The following ARHGEF12 variants were observed in gnomAD, a reference collection of about 807,000 sequenced individuals.
ARHGEF12 encodes Rho guanine nucleotide exchange factor 12.
A neutral mutation model predicts 211.2 loss-of-function variants in ARHGEF12; 66 were observed. The ratio of observed to expected loss-of-function variants is 0.31; its 90% confidence interval spans 0.26 to 0.38. The LOEUF is 0.38. ARHGEF12 is among the 10% of genes least tolerant of loss of function. The pLI is 1.00. For missense variants in ARHGEF12, 1,429 were observed against 1,869.5 expected, an observed-to-expected ratio of 0.76 and a Z score of 4.34; for synonymous variants, 592 against 638.4, an observed-to-expected ratio of 0.93 and a Z score of 1.09.
At chr11:120,373,514 G>A (rs530514708) in intron 1 of ARHGEF12, among the ~76,000 whole-genome samples, 2 of 152,270 alleles carry the variant, frequency 1.3e-5, no homozygotes, top group South Asian at 4.1e-4. Context: ...CATAATAGAT[G>A]CTCAATACAT....
chr11:120,475,799 G>T (rs1308899174), intron 33 of ARHGEF12, among the ~76,000 whole-genome samples: 1 of 152,078 alleles, frequency 6.6e-6, no homozygotes, highest in African/African-American at 2.4e-5. Context: ...TTCATTTAGG[G>T]TGGTATGTTT....
chr11:120,339,301 G>T (rs1942458131), intron 1 of ARHGEF12, among the ~76,000 whole-genome samples: 1 of 152,092 alleles, frequency 6.6e-6, no homozygotes, highest in East Asian at 1.9e-4. Context: ...TCCATTTGCT[G>T]TTAAGAGAGT....
intron 30 of ARHGEF12, among the ~76,000 whole-genome samples, chr11:120,471,288 T>G (rs746194346): frequency 3.9e-5 from 6 of 152,178 alleles, no homozygotes; most frequent in Non-Finnish European, 8.8e-5. Context: ...AGGAAAGGAA[T>G]GTACCACTAA....
At chr11:120,398,617 A>C (rs1030235139) in intron 1 of ARHGEF12, among the ~76,000 whole-genome samples, 1 of 152,094 alleles carries the variant, frequency 6.6e-6, no homozygotes, top group Non-Finnish European at 1.5e-5. Context: ...GCTAATTCTG[A>C]TTGAGGAATT....
intron 1 of ARHGEF12, chr11:120,385,499 A>G: frequency 1.0e-6 from 1 of 985,364 alleles, no homozygotes; most frequent in Non-Finnish European, 1.2e-6. Flanking sequence ...AATCTACTGC[A>G]GTCTTTGTTT....
chr11:120,346,658 G>A (rs1273879956), intron 1 of ARHGEF12, among the ~76,000 whole-genome samples: 1 of 152,172 alleles, frequency 6.6e-6, no homozygotes, highest in Non-Finnish European at 1.5e-5. Flanking sequence ...AACAAGTTCA[G>A]TAAATGCTTG....
At chr11:120,359,327 C>T (rs797000353) in intron 1 of ARHGEF12, among the ~76,000 whole-genome samples, 26 of 152,212 alleles carry the variant, frequency 1.7e-4, no homozygotes, top group African/African-American at 6.0e-4. Context: ...CAGCCTAAAG[C>T]AGTCTCTCAT....
chr11:120,457,394 G>A, intron 23 of ARHGEF12, 144 bp downstream of exon 23: 1 of 985,950 alleles, frequency 1.0e-6, no homozygotes, highest in South Asian at 2.4e-5. Context: ...GGAGGCTGAG[G>A]CAGGAGAATC....
At chr11:120,360,373 C>A (rs1394502767) in intron 1 of ARHGEF12, among the ~76,000 whole-genome samples, 1 of 152,076 alleles carries the variant, frequency 6.6e-6, no homozygotes, top group Non-Finnish European at 1.5e-5. Context: ...AAACATTTTT[C>A]TTTAATATTA....
At chr11:120,354,593 G>C (rs368770213) in intron 1 of ARHGEF12, among the ~76,000 whole-genome samples, 1 of 152,198 alleles carries the variant, frequency 6.6e-6, no homozygotes, top group South Asian at 2.1e-4. Flanking sequence ...AGATATTTAG[G>C]TGTGTTGTTT....
intron 37 of ARHGEF12, 50 bp downstream of exon 37, chr11:120,478,439 A>G: frequency 1.4e-6 from 2 of 1,448,004 alleles, no homozygotes; most frequent in Admixed American, 1.7e-5. Flanking sequence ...TATGACACTC[A>G]TGTGCCATCC....
chr11:120,433,040 A>G (rs1053074627), intron 11 of ARHGEF12, among the ~76,000 whole-genome samples: 2 of 152,198 alleles, frequency 1.3e-5, no homozygotes, highest in East Asian at 1.9e-4. Flanking sequence ...TTTGTTGGGT[A>G]TATGTCCCAT....
intron 4 of ARHGEF12, 31 bp downstream of exon 4, chr11:120,409,481 C>T (rs1944817818): frequency 6.2e-7 from 1 of 1,606,250 alleles, no homozygotes; most frequent in African/African-American, 1.3e-5. Context: ...CAGCCTTGCC[C>T]TTTGGAGCTT....
At chr11:120,384,609 A>C (rs1943973604) in intron 1 of ARHGEF12, among the ~76,000 whole-genome samples, 1 of 152,146 alleles carries the variant, frequency 6.6e-6, no homozygotes, top group Non-Finnish European at 1.5e-5. Flanking sequence ...CCCTCATTCT[A>C]CTGTAAGAGG....
chr11:120,459,203 C>T lies in ARHGEF12; in HGVS notation c.2410C>T (p.Arg804Ter), dbSNP rs1946450162. ...GTTCTACACTGAAAGAGCTCATGTT[C>T]GAACACTGAAGGTTCTTGATCAAGT... ...ELFYTERAHV[R>*]TLKVLDQVFY... is the part of the protein sequence containing the mutation. Residue 804 changes from arginine to a stop codon, truncating the protein, a stop_gained, in exon 26 of 41, where the codon CGA becomes TGA. Coordinates refer to ENST00000397843, the MANE Select transcript of ARHGEF12 (RefSeq NM_015313.3). LOFTEE classifies it high-confidence loss of function. 1 of 1,613,066 alleles carries T rather than the reference C, an allele frequency of 6.2e-7. No individual in the cohort carries two copies. Among genetic ancestry groups the T allele is most frequent in the Non-Finnish European group, 8.5e-7 (1 of 1,179,508 alleles).
intron 27 of ARHGEF12, chr11:120,464,275 G>C (rs1946631591): frequency 6.6e-6 from 1 of 151,956 alleles, no homozygotes. Context: ...AAGGCTTCAG[G>C]GTGTAAGAAA....
At chr11:120,358,339 G>C (rs1030682153) in intron 1 of ARHGEF12, among the ~76,000 whole-genome samples, 3 of 152,132 alleles carry the variant, frequency 2.0e-5, no homozygotes, top group African/African-American at 4.8e-5. Context: ...GTCAAAGTGT[G>C]GGGCTTTCTG....
intron 29 of ARHGEF12, among the ~76,000 whole-genome samples, chr11:120,468,475 G>C (rs577228483): frequency 6.6e-6 from 1 of 152,232 alleles, no homozygotes; most frequent in South Asian, 2.1e-4. Flanking sequence ...TTGAGACGGA[G>C]TCTCGCTCTG....
At chr11:120,447,935 A>T in intron 19 of ARHGEF12, 29 bp downstream of exon 19, 1 of 1,512,396 alleles carries the variant, frequency 6.6e-7, no homozygotes. Flanking sequence ...TTCCCCTAGA[A>T]TTTTAAGAAA....
Sources: allele counts gnomAD v4.1 joint callset (sites outside exome capture counted in the v4.1 genomes callset), GRCh38; gene constraint gnomAD v4.1.1; transcripts MANE v1.5; gene names NCBI Gene and HGNC (gene_info 2026-07-23, HGNC 2026-07-21).